Variants in LTF observed in about 807,000 individuals in gnomAD.
LTF encodes lactotransferrin.
A neutral mutation model predicts 87.2 loss-of-function variants in LTF; 91 were observed. The ratio of observed to expected loss-of-function variants is 1.04; its 90% CI spans 0.88 to 1.24. The LOEUF (loss-of-function observed/expected upper bound fraction) is 1.24. LTF is among the 50% of genes most tolerant of loss of function. The probability of loss-of-function intolerance (pLI) is 0.00; values close to 1 mark genes in which losing one functional copy is unlikely to be tolerated. For missense variants in LTF, 901 were observed against 904.3 expected (o/e 1.00, Z 0.05); for synonymous variants, 378 against 356.1 (o/e 1.06, Z -0.69).
At chr3:46,481,002 G>A (rs1057330886) in intron 1 of LTF, among the ~76,000 whole-genome samples, 1 of 152,132 alleles carries the variant, frequency 6.6e-6, no homozygotes, top group Non-Finnish European at 1.5e-5. Flanking sequence ...CTCCTCCACT[G>A]CTGATAGGCA....
intron 1 of LTF, among the ~76,000 whole-genome samples, chr3:46,470,835 TA>T (rs1283176216): frequency 6.6e-6 from 1 of 152,108 alleles, no homozygotes; most frequent in East Asian, 1.9e-4. Context: ...TCTCCATATG[TA>T]AAAAAGAGAC....
At chr3:46,482,788 AAAG>A (rs967395146) in intron 1 of LTF, among the ~76,000 whole-genome samples, 2 of 134,122 alleles carry the variant, frequency 1.5e-5, no homozygotes, top group South Asian at 2.6e-4. Context: ...AAAAAGAAAG[AAAG>A]AAAGAAGGAA....
At chr3:46,450,399 A>T in intron 7 of LTF, 96 bp downstream of exon 7, 1 of 1,291,670 alleles carries the variant, frequency 7.7e-7, no homozygotes, top group Non-Finnish European at 1.1e-6. Context: ...CAGCAAAGCT[A>T]CAGGACTTCT....
chr3:46,464,985 A>C (rs1703179167), upstream of LTF: 8 of 962,376 alleles, frequency 8.3e-6, no homozygotes, highest in African/African-American at 1.7e-5. Flanking sequence ...TTCCCTCCCC[A>C]CTCCCCGCGG....
rs776381415 is a variant in LTF at position 46,464,797 on chromosome 3, G to A, written c.43+28C>T. The A allele has an allele frequency of 3.7e-6, 6 of 1,613,078 alleles. 1 individual carries two copies. In the South Asian group the frequency reaches 6.6e-5, roughly 18 times the overall value. ...GGGCGCAGGAGACGCCCATCAGGCG[G>A]CTCGCGCCCCCAGGCACCTGCACTC... On this transcript the variant is annotated intron_variant, in intron 1 of 16. Transcript: ENST00000231751.
chr3:46,463,403 C>G (rs894520614), intron 1 of LTF: 55 of 945,588 alleles, frequency 5.8e-5, no homozygotes, highest in Non-Finnish European at 5.7e-5. Context: ...GACTCCTCCA[C>G]CCAATGCTCA....
rs903104809 is a variant in LTF, at chr3:46,481,139, G to T, written c.-320+3847C>A. Among the ~76,000 whole-genome samples, 5 of 152,312 alleles carry T rather than the reference G, an allele frequency of 3.3e-5. No homozygotes were observed. In the South Asian group the frequency reaches 1.0e-3, roughly 32 times the overall value. On this transcript the variant is annotated intron_variant, in intron 1 of 19. Transcript: ENST00000443496. The stretch of plus-strand genomic sequence containing the variant: ...GTGCAGCCCCCCTCCAGGAAGCTCA[G>T]TACCTGCACCTTTGTGACCTCTTCC...
chr3:46,474,864 AGGAAAC>A (rs1279979050), intron 1 of LTF, among the ~76,000 whole-genome samples: 1 of 152,232 alleles, frequency 6.6e-6, no homozygotes, highest in Non-Finnish European at 1.5e-5. Flanking sequence ...TGGGTCAAAG[AGGAAAC>A]CTCAAGTAAA....
intron 1 of LTF, among the ~76,000 whole-genome samples, chr3:46,480,568 C>G (rs977596743): frequency 6.6e-6 from 1 of 152,156 alleles, no homozygotes; most frequent in African/African-American, 2.4e-5. Context: ...CTGGGAATTT[C>G]AAATTAAAAC....
At position 46,456,356 on chromosome 3, in the gene LTF, A is replaced by T; in HGVS notation, c.250T>A (p.Tyr84Asn). The change falls in exon 3 of 17, where the codon TAC becomes AAC. Residue 84 changes from tyrosine to asparagine, a missense_variant. Physicochemically the swap from Tyr to Asn is moderately radical, Grantham distance 143 (BLOSUM62 -2). Transcript: ENST00000231751. ...DAVTLDGGFI[Y>N]EAGLAPYKLR... Reference sequence around the variant, plus strand: ...TTGTAGGGGGCCAGGCCTGCCTCGTATATGAAACCACCATCAAGGGTCACA... The same window carrying T: ...TTGTAGGGGGCCAGGCCTGCCTCGTTTATGAAACCACCATCAAGGGTCACA... The T allele has an allele frequency of 6.2e-7, 1 of 1,614,192 alleles. No individual in the cohort carries two copies. The highest frequency in any genetic ancestry group is 8.5e-7 in the Non-Finnish European group (1 of 1,180,018).
chr3:46,465,344 A>G (rs995204548), upstream of LTF, among the ~76,000 whole-genome samples: 6 of 152,226 alleles, frequency 3.9e-5, no homozygotes, highest in Non-Finnish European at 8.8e-5. Flanking sequence ...ACCTTGGCTC[A>G]GCAGTGAGCT....
intron 1 of LTF, among the ~76,000 whole-genome samples, chr3:46,462,229 C>G (rs1008469154): frequency 2.0e-5 from 3 of 152,176 alleles, no homozygotes; most frequent in African/African-American, 7.2e-5. Flanking sequence ...CGGACAGGAC[C>G]AGATTTCACT....
At chr3:46,456,055 C>T (rs1194042702) in intron 3 of LTF, 77 bp from the exon 4 acceptor site, 33 of 1,330,064 alleles carry the variant, frequency 2.5e-5, no homozygotes, top group East Asian at 7.5e-5. Flanking sequence ...GAAAAGTCTC[C>T]GGTGGGAAGG....
intron 3 of LTF, 49 bp downstream of exon 3, chr3:46,456,241 G>A (rs1702928108): frequency 3.4e-6 from 5 of 1,473,908 alleles, no homozygotes; most frequent in Non-Finnish European, 3.8e-6. Context: ...CACAGCTCAG[G>A]GCACAGGCTG....
chr3:46,482,831 G>C lies in LTF; in HGVS notation c.-320+2155C>G, dbSNP rs1008288356. On this transcript the variant is annotated intron_variant, in intron 1 of 19. Transcript: ENST00000443496. The stretch of plus-strand genomic sequence containing the variant: ...AGAAAGAAAGAAAGAAAGAGAAAGG[G>C]AGGAAGGGAGGGAGGGACAAGAGAC... Among the ~76,000 whole-genome samples, 6 of 150,178 alleles carry C rather than the reference G, an allele frequency of 4.0e-5. 1 individual carries two copies. Among genetic ancestry groups the C allele is most frequent in the Non-Finnish European group, 7.4e-5 (5 of 67,562 alleles).
In LTF at chr3:46,449,719, C is replaced by G. The variant is rs1702749879; in HGVS notation, c.1057+135G>C. On this transcript the variant is annotated intron_variant, in intron 8 of 16. Transcript: ENST00000231751. ...CACCTGACCTAATCCACAGAAGACA[C>G]TCACACCTGCATCAAACCTCCACGA... 6.7e-6 allele frequency: 6 copies of G among 900,974 alleles called. No individual in the cohort carries two copies. The South Asian group carries it at 8.3e-5, about 12-fold the overall frequency. The allele number at this position is 900,974 out of a possible 1,614,324, so 55.8% of individuals were successfully genotyped here.
chr3:46,482,710 AAGAAAG>A (rs1357141331), intron 1 of LTF, among the ~76,000 whole-genome samples: 19 of 116,620 alleles, frequency 1.6e-4, no homozygotes, highest in African/African-American at 6.1e-4. Context: ...GAAGGAAAGA[AAGAAAG>A]AGAAAGAAAG....
At chr3:46,480,002 T>G (rs1195482842) in intron 1 of LTF, among the ~76,000 whole-genome samples, 1 of 151,996 alleles carries the variant, frequency 6.6e-6, no homozygotes, top group Admixed American at 6.5e-5. Context: ...TAAAAGGAGG[T>G]AGTTTCATTA....
intron 16 of LTF, among the ~76,000 whole-genome samples, chr3:46,436,948 C>CA (rs1265980205): frequency 1.3e-5 from 2 of 152,064 alleles, no homozygotes; most frequent in African/African-American, 2.4e-5. Flanking sequence ...TTGTAAGAAT[C>CA]AAAAAAATGC....
Sources: allele counts gnomAD v4.1 joint callset (sites outside exome capture counted in the v4.1 genomes callset), GRCh38; gene constraint gnomAD v4.1.1; transcripts MANE v1.5; gene names NCBI Gene and HGNC (gene_info 2026-07-23, HGNC 2026-07-21).